The following MYO7A variants were observed in gnomAD, a reference collection of about 807,000 sequenced individuals.
MYO7A encodes unconventional myosin-VIIa.
A neutral mutation model predicts 263.8 loss-of-function variants in MYO7A; 210 were observed. That is an observed-to-expected ratio of 0.80 (90% CI 0.71 to 0.89). The LOEUF (loss-of-function observed/expected upper bound fraction) is 0.89. Ranked by LOEUF, MYO7A falls within the 40% of genes least tolerant of loss-of-function variation. The pLI, the probability that MYO7A is intolerant of heterozygous loss-of-function variation, is 0.00. For missense variants in MYO7A, 2,820 were observed against 2,968.3 expected (o/e 0.95, Z 1.16); for synonymous variants, 1,239 against 1,197.3 (o/e 1.03, Z -0.72).
At chr11:77,176,603 A>G (rs1555080191) in intron 18 of MYO7A, among the ~76,000 whole-genome samples, 3 of 152,128 alleles carry the variant, frequency 2.0e-5, no homozygotes, top group Non-Finnish European at 4.4e-5. Flanking sequence ...GGGAACTCGG[A>G]GGAGCTCCAT....
In MYO7A at chr11:77,182,966, T is replaced by G. The variant is rs939441145; in HGVS notation, c.3286-102T>G. The G allele has an allele frequency of 5.9e-6, 6 of 1,023,770 alleles. No individual in the cohort carries two copies. In the East Asian group the frequency reaches 1.3e-4, roughly 22 times the overall value. The allele number at this position is 1,023,770 out of a possible 1,614,324, so 63.4% of individuals were successfully genotyped here. A position where few individuals can be genotyped will look rare whatever the true frequency, so the allele number is the denominator to read the frequency against. The stretch of plus-strand genomic sequence containing the variant: ...GCAGTGTGGGGGACACCCTGTAAGC[T>G]TCACGTGGAAGCGAGACGGTTCCCC... On this transcript the variant is annotated intron_variant, in intron 25 of 48. Coordinates refer to ENST00000409709, the MANE Select transcript of MYO7A (RefSeq NM_000260.4).
Position 77,175,456 on chromosome 11 carries a change from T to G in MYO7A, c.2179T>G (p.Phe727Val). ...CTGGCAGATAGGCAAAACCAAGATC[T>G]TTCTGAAGGTGAGCACAGATGCCTT... Reference protein sequence around the residue: ...DDWQIGKTKIFLKDHHDMLLE... With the variant: ...DDWQIGKTKIVLKDHHDMLLE... Residue 727 changes from phenylalanine to valine, a missense_variant, in exon 18 of 49, where the codon TTT becomes GTT. By Grantham distance (50) the Phe-to-Val change is conservative (BLOSUM62 -1). Transcript: ENST00000409709. The G allele has an allele frequency of 1.2e-6, 2 of 1,613,190 alleles. No individual in the cohort carries two copies. The highest frequency in any genetic ancestry group is 2.2e-5 in the South Asian group (2 of 91,082).
chr11:77,188,014 G>A (rs1955768248), intron 27 of MYO7A, among the ~76,000 whole-genome samples: 1 of 152,196 alleles, frequency 6.6e-6, no homozygotes, highest in Non-Finnish European at 1.5e-5. Context: ...CGTGTCTCAG[G>A]GGCAAGAATT....
At chr11:77,194,102 A>T in intron 31 of MYO7A, 1 of 673,692 alleles carries the variant, frequency 1.5e-6, no homozygotes, top group Non-Finnish European at 2.7e-6. Flanking sequence ...CCCTGGGCAG[A>T]GTCCAGCTCC....
chr11:77,144,449 C>T (rs1051088365), intron 3 of MYO7A, among the ~76,000 whole-genome samples: 3 of 152,176 alleles, frequency 2.0e-5, no homozygotes, highest in Non-Finnish European at 2.9e-5. Context: ...GGTCCCCTCC[C>T]GCTTCTCCTC....
At chr11:77,179,559 C>T (rs1954985683) in intron 20 of MYO7A, among the ~76,000 whole-genome samples, 176 bp from the exon 21 acceptor site, 1 of 152,198 alleles carries the variant, frequency 6.6e-6, no homozygotes. Context: ...AATATGTTGC[C>T]TGAGAGGAAA....
chr11:77,163,964 T>C (rs1953276903), intron 14 of MYO7A, among the ~76,000 whole-genome samples: 1 of 152,070 alleles, frequency 6.6e-6, no homozygotes, highest in African/African-American at 2.4e-5. Flanking sequence ...TTAGGGAAAC[T>C]GAGGCTCAGA....
chr11:77,204,248 G>T lies in MYO7A; in HGVS notation c.5480+19G>T. ...ACATCAGGTGAGCCAGGCACAGTGG[G>T]CGGATGAGGGGCAGACCTCACCTGC... On this transcript the variant is annotated intron_variant, in intron 39 of 48. Coordinates refer to ENST00000409709, the MANE Select transcript of MYO7A (RefSeq NM_000260.4). 1 of 1,559,838 alleles carries T rather than the reference G, an allele frequency of 6.4e-7. No homozygotes were observed. Among genetic ancestry groups the T allele is most frequent in the Non-Finnish European group, 8.7e-7 (1 of 1,152,042 alleles).
chr11:77,205,530 T>A lies in MYO7A; in HGVS notation c.5549T>A (p.Leu1850His). ...GGCCTTTTCCCACCCAGCAACATCC[T>A]CCTGCCCCACGTGCAGCGCTTCCTG... The part of the protein sequence containing the change: ...CTGLFPPSNI[L>H]LPHVQRFLQS... Residue 1850 changes from leucine to histidine, a missense_variant, in exon 40 of 49, where the codon CTC (leucine) becomes CAC (histidine). Coordinates refer to ENST00000409709, the MANE Select transcript of MYO7A (RefSeq NM_000260.4). The A allele has an allele frequency of 1.9e-6, 3 of 1,608,094 alleles. No individual in the cohort carries two copies. Among genetic ancestry groups the A allele is most frequent in the Non-Finnish European group, 2.5e-6 (3 of 1,177,786 alleles).
At chr11:77,211,414 C>T (rs563555745) in intron 45 of MYO7A, 77 bp downstream of exon 45, 29 of 1,432,962 alleles carry the variant, frequency 2.0e-5, no homozygotes, top group South Asian at 1.3e-5. Context: ...AGGGGGCAGA[C>T]ACTGGCCAGC....
chr11:77,198,357 TTG>T, intron 33 of MYO7A, 136 bp from the exon 34 acceptor site: 1 of 1,195,608 alleles, frequency 8.4e-7, no homozygotes, highest in Non-Finnish European at 1.1e-6. Flanking sequence ...CGTAGCGAGT[TTG>T]TGCTCTCTGA....
In MYO7A at chr11:77,211,943, C is replaced by A; in HGVS notation, c.6354+6C>A. 6.2e-7 allele frequency: 1 copy of A among 1,604,400 alleles called. No individual in the cohort carries two copies. Among genetic ancestry groups the A allele is most frequent in the Non-Finnish European group, 8.5e-7 (1 of 1,171,386 alleles). On this transcript the variant is annotated splice_donor_region_variant and intron_variant, in intron 46 of 48. Coordinates refer to ENST00000409709, the MANE Select transcript of MYO7A (RefSeq NM_000260.4). ...CAGCCTTCTTCGAGGTGAAGGTACA[C>A]CATGGGCTTCTCAGAGCAGAGGAGG...
chr11:77,162,033 C>G, intron 12 of MYO7A, 87 bp from the exon 13 acceptor site: 1 of 1,236,716 alleles, frequency 8.1e-7, no homozygotes, highest in Non-Finnish European at 1.1e-6. Context: ...TTGCTAATGG[C>G]CATGCTGCAG....
At chr11:77,177,711 CCTCTG>C in intron 19 of MYO7A, 68 bp downstream of exon 19, 1 of 1,339,828 alleles carries the variant, frequency 7.5e-7, no homozygotes, top group South Asian at 1.3e-5. Flanking sequence ...GTTTGGCTCT[CCTCTG>C]CTCTGCCCGC....
chr11:77,167,023 G>A (rs1555073001), intron 15 of MYO7A, among the ~76,000 whole-genome samples: 1 of 152,254 alleles, frequency 6.6e-6, no homozygotes, highest in African/African-American at 2.4e-5. Context: ...GCTGAGGATG[G>A]CGGGAGAGGC....
At chr11:77,149,753 AG>A (rs1555056162) in intron 4 of MYO7A, among the ~76,000 whole-genome samples, 1 of 152,130 alleles carries the variant, frequency 6.6e-6, no homozygotes, top group African/African-American at 2.4e-5. Flanking sequence ...TGGCTTTCGC[AG>A]GGAGCCTTCT....
chr11:77,183,125 ACT>A lies in MYO7A; in HGVS notation c.3346_3347del (p.Leu1116GlufsTer16), dbSNP rs1460211827. ...TGTGAGGCACAAGCTGGTGCATTTG[ACT>A]CTGAAAAAGAAGTCCAAGCTCACAG... ...SSVRHKLVHL[T>X]LKKKSKLTEE... On this transcript the variant is annotated frameshift_variant, in exon 26 of 49. Coordinates refer to ENST00000409709, the MANE Select transcript of MYO7A (RefSeq NM_000260.4). LOFTEE classifies it high-confidence loss of function. The A allele has an allele frequency of 6.4e-7, 1 of 1,552,170 alleles. No individual in the cohort carries two copies. The highest frequency in any genetic ancestry group is 2.4e-5 in the East Asian group (1 of 40,990).
chr11:77,190,106 A>G lies in MYO7A; in HGVS notation c.3717A>G (p.Thr1239=). 1 of 1,576,988 alleles carries G rather than the reference A, an allele frequency of 6.3e-7. No homozygotes were observed. Residue 1239 remains threonine, a synonymous_variant, in exon 29 of 49, where the codon ACA becomes ACG. Transcript: ENST00000409709. The part of the protein sequence containing the change: ...ERLRRTFVNG[T]RTQPPSWLEL... ...TGAGAAGGACCTTTGTCAATGGGAC[A>G]CGGACACAGCCGCCCAGCTGGCTGG... is the stretch of plus-strand genomic sequence containing the variant.
chr11:77,173,941 C>T (rs782282623), intron 16 of MYO7A, among the ~76,000 whole-genome samples: 36 of 152,040 alleles, frequency 2.4e-4, no homozygotes, highest in Non-Finnish European at 4.4e-4. Context: ...AAGTGGGACC[C>T]TTCCCTCGGC....
Sources: gnomAD v4.1 joint callset for allele counts (sites outside exome capture counted in the v4.1 genomes callset) on GRCh38, gnomAD v4.1.1 for gene constraint, MANE v1.5 for transcripts, NCBI Gene and HGNC (gene_info 2026-07-23, HGNC 2026-07-21) for gene names.